The following NTM variants were observed in gnomAD, a reference collection of about 807,000 sequenced individuals.
NTM encodes the protein neurotrimin.
A neutral mutation model predicts 42.1 loss-of-function variants in NTM; 13 were observed. The ratio of observed to expected loss-of-function variants is 0.31; its 90% CI spans 0.20 to 0.49. The LOEUF (loss-of-function observed/expected upper bound fraction) is 0.49, where lower values mean the gene tolerates loss of function less well. NTM is among the 20% of genes least tolerant of loss of function. The probability of loss-of-function intolerance (pLI) is 0.99; values close to 1 mark genes in which losing one functional copy is unlikely to be tolerated. For missense variants in NTM, 373 were observed against 452.8 expected (o/e 0.82, Z 1.60); for synonymous variants, 187 against 179.2 (o/e 1.04, Z -0.35).
intron 2 of NTM, among the ~76,000 whole-genome samples, chr11:131,918,943 G>A (rs1352706736): frequency 6.6e-6 from 1 of 152,090 alleles, no homozygotes; most frequent in Non-Finnish European, 1.5e-5. Context: ...AGCAATCTTG[G>A]ACTTTCTCAC....
At chr11:131,764,881 T>A (rs530030429) in intron 1 of NTM, among the ~76,000 whole-genome samples, 77 of 152,240 alleles carry the variant, frequency 5.1e-4, no homozygotes, top group South Asian at 1.2e-3. Flanking sequence ...TCTAACACAA[T>A]GAGTGATCAC....
At chr11:131,550,016 T>C (rs1157532377) in intron 1 of NTM, among the ~76,000 whole-genome samples, 1 of 152,170 alleles carries the variant, frequency 6.6e-6, no homozygotes, top group Non-Finnish European at 1.5e-5. Context: ...GTGTTTACAT[T>C]GCTCAGGGGA....
At chr11:132,217,396 GTA>G (rs1555319523) in intron 4 of NTM, among the ~76,000 whole-genome samples, 2 of 151,180 alleles carry the variant, frequency 1.3e-5, no homozygotes, top group African/African-American at 4.9e-5. Flanking sequence ...GTGTGTATGT[GTA>G]TGTGTATGTG....
intron 1 of NTM, among the ~76,000 whole-genome samples, chr11:131,383,765 G>A (rs2513540): frequency 0.85 from 129,070 of 152,150 alleles, 54,778 homozygotes; most frequent in South Asian, 0.86. Context: ...ATTTGCAGTT[G>A]TAGTGGCCAA....
In NTM at chr11:131,468,808, CTT is replaced by C. The variant is rs751768398; in HGVS notation, c.82+97922_82+97923del. 5.9e-5 allele frequency among the ~76,000 whole-genome samples: 9 copies of C among 152,198 alleles called. No homozygotes were observed. In the South Asian group the frequency reaches 1.7e-3, roughly 28 times the overall value. ...AAGCAGCTTTTTCCCCAGCTAGGAA[CTT>C]TCTGTTTTGACAGCTGATTGGCCAG... On this transcript the variant is annotated intron_variant, in intron 1 of 8. Coordinates refer to ENST00000683400, the MANE Select transcript of NTM (RefSeq NM_001352005.2).
At chr11:131,457,725 C>T (rs944680659) in intron 1 of NTM, among the ~76,000 whole-genome samples, 2 of 151,988 alleles carry the variant, frequency 1.3e-5, no homozygotes, top group African/African-American at 4.8e-5. Context: ...TTGTCCTCCC[C>T]CCCCAAATTT....
intron 1 of NTM, among the ~76,000 whole-genome samples, chr11:131,747,983 C>T (rs1006477618): frequency 1.3e-5 from 2 of 152,170 alleles, no homozygotes; most frequent in African/African-American, 4.8e-5. Flanking sequence ...TAGCACCTGC[C>T]ATTGTGCATT....
chr11:131,415,795 T>C (rs946352257), intron 1 of NTM, among the ~76,000 whole-genome samples: 1 of 152,234 alleles, frequency 6.6e-6, no homozygotes, highest in African/African-American at 2.4e-5. Context: ...ACGATGACTC[T>C]TGAATTTCCC....
chr11:132,329,716 C>T (rs2095760087), intron 7 of NTM, among the ~76,000 whole-genome samples: 1 of 152,184 alleles, frequency 6.6e-6, no homozygotes, highest in South Asian at 2.1e-4. Flanking sequence ...CCATATGTAG[C>T]AATCAACTTT....
chr11:131,438,071 G>T lies in NTM; in HGVS notation c.82+67183G>T, dbSNP rs974155505. On this transcript the variant is annotated intron_variant, in intron 1 of 8. Transcript: ENST00000683400. ...AGTTTGGCTGGATATGAAATTGTGG[G>T]TTGAAAATTCTTTTCTTTAAGAATG... 2.6e-5 allele frequency among the ~76,000 whole-genome samples: 4 copies of T among 152,292 alleles called. No individual in the cohort carries two copies. The South Asian group carries it at 6.2e-4, about 24-fold the overall frequency.
chr11:131,454,215 ATTG>A (rs1281819898), intron 1 of NTM, among the ~76,000 whole-genome samples: 1 of 152,094 alleles, frequency 6.6e-6, no homozygotes, highest in Non-Finnish European at 1.5e-5. Context: ...ATTATGAGTT[ATTG>A]TTGTTAATCT....
chr11:131,399,969 C>G (rs1215340536), intron 1 of NTM, among the ~76,000 whole-genome samples: 1 of 152,060 alleles, frequency 6.6e-6, no homozygotes. Flanking sequence ...TAGTATGCAC[C>G]TATTTTGATG....
chr11:132,293,593 C>T (rs756192196), intron 4 of NTM, among the ~76,000 whole-genome samples: 3 of 151,936 alleles, frequency 2.0e-5, no homozygotes, highest in South Asian at 2.1e-4. Context: ...GAGATTTACG[C>T]GTCTACAGGA....
chr11:132,276,347 G>C (rs2093726791), intron 4 of NTM, among the ~76,000 whole-genome samples: 1 of 152,082 alleles, frequency 6.6e-6, no homozygotes, highest in South Asian at 2.1e-4. Context: ...ATTTCCTTTA[G>C]ATATAGTCAA....
At chr11:131,856,599 T>C (rs1208753770) in intron 1 of NTM, among the ~76,000 whole-genome samples, 4 of 152,256 alleles carry the variant, frequency 2.6e-5, no homozygotes, top group Non-Finnish European at 4.4e-5. Flanking sequence ...AGCAGATTCC[T>C]TTCTTGATCT....
intron 1 of NTM, among the ~76,000 whole-genome samples, chr11:131,649,753 A>G (rs997055447): frequency 2.0e-5 from 3 of 152,224 alleles, no homozygotes; most frequent in African/African-American, 7.2e-5. Context: ...AGGGAAGTGG[A>G]TGATAGTCCA....
rs1320740071 is a variant in NTM at position 132,002,610 on chromosome 11, C to T, written c.167+90962C>T. Among the ~76,000 whole-genome samples the T allele has an allele frequency of 2.0e-5, 3 of 152,184 alleles. No individual in the cohort carries two copies. Among genetic ancestry groups the T allele is most frequent in the African/African-American group, 7.2e-5 (3 of 41,440 alleles). ...TTGAATAACTTTCTGCCTCTAGTAT[C>T]CCCAAACTTATGTTTTGTTTTTTCT... On this transcript the variant is annotated intron_variant, in intron 2 of 8. Coordinates refer to ENST00000683400, the MANE Select transcript of NTM (RefSeq NM_001352005.2). The surrounding 1 kb of genome is among the most constrained non-coding windows in gnomAD (Gnocchi z 4.5).
chr11:131,451,112 A>G (rs1306422547), intron 1 of NTM, among the ~76,000 whole-genome samples: 2 of 152,092 alleles, frequency 1.3e-5, no homozygotes, highest in Non-Finnish European at 2.9e-5. Flanking sequence ...TCCTTCTTCT[A>G]GTTTCAGAAT....
chr11:131,929,821 T>C (rs979542654), intron 2 of NTM, among the ~76,000 whole-genome samples: 1 of 152,228 alleles, frequency 6.6e-6, no homozygotes, highest in Non-Finnish European at 1.5e-5. Flanking sequence ...CCCTGGACTT[T>C]CCTTGTCGTT....
Sources: allele counts gnomAD v4.1 joint callset (sites outside exome capture counted in the v4.1 genomes callset), GRCh38; gene constraint gnomAD v4.1.1; non-coding constraint Gnocchi (gnomAD v3.1); transcripts MANE v1.5; gene names NCBI Gene and HGNC (gene_info 2026-07-23, HGNC 2026-07-21).